The following VRK2 variants were observed in gnomAD, a reference collection of about 807,000 sequenced individuals.
The protein encoded by VRK2 is VRK serine/threonine kinase 2.
In VRK2, 60 loss-of-function variants were observed where a neutral mutation model predicts 57.6. The ratio of observed to expected loss-of-function variants is 1.04; its 90% CI spans 0.85 to 1.29. The LOEUF is 1.29. Among genes scored for constraint, VRK2 ranks in the 50% most tolerant of loss-of-function variants. The probability of loss-of-function intolerance (pLI) is 0.00; values close to 1 mark genes in which losing one functional copy is unlikely to be tolerated. For synonymous variants in VRK2, 231 were observed against 199.2 expected (o/e 1.16, Z -1.35); for missense variants, 705 against 588.1 (o/e 1.20, Z -2.06).
At chr2:58,121,933 G>A (rs1677574246) in intron 7 of VRK2, among the ~76,000 whole-genome samples, 1 of 152,100 alleles carries the variant, frequency 6.6e-6, no homozygotes, top group Admixed American at 6.6e-5. Context: ...TTCAGTATAT[G>A]GTCTGTCTGT....
intron 12 of VRK2, among the ~76,000 whole-genome samples, chr2:58,148,685 A>G (rs888545823): frequency 4.6e-5 from 7 of 151,806 alleles, no homozygotes; most frequent in Non-Finnish European, 8.9e-5. Context: ...AGCCATCTCA[A>G]ATCAATTCAT....
chr2:58,107,822 A>C (rs1674973684), intron 7 of VRK2, among the ~76,000 whole-genome samples: 1 of 152,122 alleles, frequency 6.6e-6, no homozygotes. Context: ...TGCCAGCTCC[A>C]AATGTTTTTC....
chr2:57,967,590 C>T (rs749017102), intron 1 of VRK2, among the ~76,000 whole-genome samples: 1 of 152,030 alleles, frequency 6.6e-6, no homozygotes, highest in East Asian at 1.9e-4. Context: ...AAAAATCTTG[C>T]GTGAGGCAGT....
chr2:57,969,382 G>A (rs1462575838), intron 1 of VRK2, among the ~76,000 whole-genome samples: 3 of 151,686 alleles, frequency 2.0e-5, no homozygotes, highest in Non-Finnish European at 4.4e-5. Context: ...AAATTTAAAT[G>A]CATTTGCCTA....
chr2:58,059,953 A>G (rs1172440209), intron 2 of VRK2, among the ~76,000 whole-genome samples: 1 of 151,882 alleles, frequency 6.6e-6, no homozygotes, highest in Non-Finnish European at 1.5e-5. Flanking sequence ...ATGTAAAGAA[A>G]AGCTATTCAT....
intron 1 of VRK2, among the ~76,000 whole-genome samples, chr2:57,985,995 A>G (rs2104065864): frequency 6.6e-6 from 1 of 152,272 alleles, no homozygotes; most frequent in South Asian, 2.1e-4. Flanking sequence ...TACAAAACCA[A>G]TGGTAGGAAA....
At chr2:58,106,824 A>G (rs1005242433) in intron 7 of VRK2, among the ~76,000 whole-genome samples, 5 of 152,128 alleles carry the variant, frequency 3.3e-5, no homozygotes, top group African/African-American at 1.2e-4. Context: ...CTTCATGCTT[A>G]TTCTAATAAA....
At chr2:57,996,320 A>G (rs1672921640) in intron 1 of VRK2, among the ~76,000 whole-genome samples, 1 of 152,228 alleles carries the variant, frequency 6.6e-6, no homozygotes, top group African/African-American at 2.4e-5. Flanking sequence ...AGACATCCAG[A>G]GATCCACAGA....
At chr2:58,091,577 G>C (rs954359415) in intron 7 of VRK2, among the ~76,000 whole-genome samples, 1 of 151,758 alleles carries the variant, frequency 6.6e-6, no homozygotes, top group Non-Finnish European at 1.5e-5. Flanking sequence ...AAATGTAATT[G>C]AATATTTGAT....
At chr2:58,046,570 G>A (rs1674771038), upstream of VRK2, 2 of 985,470 alleles carry the variant, frequency 2.0e-6, no homozygotes, top group South Asian at 4.7e-5. Flanking sequence ...GGCGGGCCAG[G>A]GTGGAGGTAG....
intron 2 of VRK2, 28 bp from the exon 3 acceptor site, chr2:58,084,061 C>A: frequency 6.2e-7 from 1 of 1,600,322 alleles, no homozygotes; most frequent in Non-Finnish European, 8.5e-7. Flanking sequence ...AACTATTTTT[C>A]TCCATTGTGT....
At position 58,048,909 on chromosome 2, in the gene VRK2, C is replaced by T; in HGVS notation, c.78C>T (p.Gly26=). ...PEGKVLDDME[G]NQWVLGKKIG... is the part of the protein sequence containing the mutation. ...GCAAGGTTCTGGATGATATGGAAGG[C>T]AATCAGTGGGTACTGGGCAAGAAGA... Residue 26 remains glycine (G), a synonymous_variant, in exon 2 of 13, where the codon GGC becomes GGT. Coordinates refer to ENST00000340157, the MANE Select transcript of VRK2 (RefSeq NM_006296.7). 3.7e-6 allele frequency: 6 copies of T among 1,613,896 alleles called. No homozygotes were observed. Among genetic ancestry groups the T allele is most frequent in the African/African-American group, 1.3e-5 (1 of 74,998 alleles).
intron 1 of VRK2, among the ~76,000 whole-genome samples, chr2:57,918,693 T>C (rs1670234903): frequency 6.6e-6 from 1 of 152,098 alleles, no homozygotes; most frequent in Non-Finnish European, 1.5e-5. Context: ...TTTTTAGTAA[T>C]ATAAAAGACA....
At chr2:57,947,926 G>A (rs1228265713) in intron 1 of VRK2, among the ~76,000 whole-genome samples, 1 of 151,840 alleles carries the variant, frequency 6.6e-6, no homozygotes, top group Non-Finnish European at 1.5e-5. Context: ...TTCCTATTCT[G>A]TTAAACCAGA....
chr2:58,127,732 T>C (rs995855080), intron 8 of VRK2, among the ~76,000 whole-genome samples: 1 of 152,192 alleles, frequency 6.6e-6, no homozygotes, highest in African/African-American at 2.4e-5. Context: ...AGCACACATA[T>C]TAATATTTTG....
intron 1 of VRK2, among the ~76,000 whole-genome samples, chr2:57,984,334 A>C (rs72947197): frequency 0.016 from 2,405 of 152,224 alleles, 92 homozygotes; most frequent in African/African-American, 0.054. Context: ...TATCACTGAA[A>C]ATGAGAGGAA....
intron 1 of VRK2, among the ~76,000 whole-genome samples, chr2:57,921,246 T>C (rs1670334721): frequency 6.6e-6 from 1 of 151,694 alleles, no homozygotes; most frequent in African/African-American, 2.4e-5. Flanking sequence ...ATCTAAGTAA[T>C]TCCATTTTAA....
intron 10 of VRK2, 131 bp downstream of exon 10, chr2:58,135,330 T>C: frequency 1.2e-6 from 1 of 859,960 alleles, no homozygotes; most frequent in Non-Finnish European, 1.8e-6. Context: ...GAACTCTTCA[T>C]GTTGCAAATA....
At chr2:57,967,173 A>C (rs1671945206) in intron 1 of VRK2, among the ~76,000 whole-genome samples, 1 of 152,174 alleles carries the variant, frequency 6.6e-6, no homozygotes, top group South Asian at 2.1e-4. Context: ...GAGTTAAACA[A>C]TGAGAACACA....
Sources: allele counts gnomAD v4.1 joint callset (sites outside exome capture counted in the v4.1 genomes callset), GRCh38; gene constraint gnomAD v4.1.1; transcripts MANE v1.5; gene names NCBI Gene and HGNC (gene_info 2026-07-23, HGNC 2026-07-21).